PIK3R1: variants seen among roughly 807,000 people sequenced by gnomAD.
PIK3R1 encodes phosphoinositide-3-kinase regulatory subunit 1.
In PIK3R1, 29 loss-of-function variants were observed where a neutral mutation model predicts 98.0. The observed-to-expected ratio is 0.30, with a 90% confidence interval of 0.22 to 0.40. The LOEUF (loss-of-function observed/expected upper bound fraction) is 0.40. Ranked by LOEUF, PIK3R1 falls within the 10% of genes least tolerant of loss-of-function variation. The pLI, the probability that PIK3R1 is intolerant of heterozygous loss-of-function variation, is 1.00. For missense variants in PIK3R1, 596 were observed against 872.7 expected (o/e 0.68, Z 3.99); for synonymous variants, 282 against 311.8 (o/e 0.90, Z 1.01).
intron 2 of PIK3R1, among the ~76,000 whole-genome samples, chr5:68,263,038 T>G (rs1451088476): frequency 8.2e-6 from 1 of 122,158 alleles, no homozygotes; most frequent in African/African-American, 3.2e-5. Flanking sequence ...GATACATGTA[T>G]ACATATATAC....
chr5:68,256,236 T>C (rs1180417768), intron 2 of PIK3R1, among the ~76,000 whole-genome samples: 1 of 152,238 alleles, frequency 6.6e-6, no homozygotes, highest in African/African-American at 2.4e-5. Flanking sequence ...TTTTTATTTA[T>C]TTATTTTTGT....
Position 68,295,324 on chromosome 5 carries a change from T to C in PIK3R1, c.1745T>C (p.Met582Thr), listed in dbSNP as rs766887688. ...AGAAAGACGAGAGACCAATACTTGATGTAAGTATTTGAAATGGAATCCTAT... is the reference window on the plus strand; with the variant it reads ...AGAAAGACGAGAGACCAATACTTGACGTAAGTATTTGAAATGGAATCCTAT... ...QLRKTRDQYL[M>T]WLTQKGVRQK... The change falls in exon 13 of 16, where the codon ATG (methionine) becomes ACG (threonine). Residue 582 changes from methionine (M) to threonine (T), a missense_variant and splice_region_variant. Physicochemically the swap from Met to Thr is moderately conservative, Grantham distance 81. Coordinates refer to ENST00000521381, the MANE Select transcript of PIK3R1 (RefSeq NM_181523.3). 1 of 1,612,596 alleles carries C rather than the reference T, an allele frequency of 6.2e-7. No homozygotes were observed. The highest frequency in any genetic ancestry group is 8.5e-7 in the Non-Finnish European group (1 of 1,178,576).
intron 1 of PIK3R1, chr5:68,217,566 T>A (rs1743933763): frequency 1.3e-5 from 2 of 151,920 alleles, no homozygotes; most frequent in Admixed American, 1.3e-4. Context: ...GTGCAAAAGT[T>A]GATTAAACTT....
chr5:68,261,206 A>G (rs1745732380), intron 2 of PIK3R1, among the ~76,000 whole-genome samples: 1 of 152,228 alleles, frequency 6.6e-6, no homozygotes, highest in Non-Finnish European at 1.5e-5. Flanking sequence ...TAAATTTAGT[A>G]ATTTTATGTT....
At position 68,273,460 on chromosome 5, in the gene PIK3R1, C is replaced by G. The variant is rs758397455; in HGVS notation, c.405C>G (p.Leu135=). 2 of 1,613,960 alleles carry G rather than the reference C, an allele frequency of 1.2e-6. No homozygotes were observed. Among genetic ancestry groups the G allele is most frequent in the Non-Finnish European group, 1.7e-6 (2 of 1,179,908 alleles). The change falls in exon 3 of 16, where the codon CTC becomes CTG. Residue 135 remains leucine, a synonymous_variant. Transcript: ENST00000521381. Reference sequence around the variant, plus strand: ...TTGCCCCGCCTCTTCTTATCAAGCTCGTGGAAGCCATTGAAAAGAAAGGTA... The same window carrying G: ...TTGCCCCGCCTCTTCTTATCAAGCTGGTGGAAGCCATTGAAAAGAAAGGTA... ...PDIAPPLLIK[L]VEAIEKKGLE... is the part of the protein sequence containing the mutation.
chr5:68,225,992 C>G (rs1044765628), intron 1 of PIK3R1, among the ~76,000 whole-genome samples: 2 of 152,136 alleles, frequency 1.3e-5, no homozygotes, highest in African/African-American at 4.8e-5. Context: ...GTTTCTGCCT[C>G]TCTTATGACA....
At chr5:68,251,648 G>A (rs1745311138) in intron 2 of PIK3R1, among the ~76,000 whole-genome samples, 1 of 151,950 alleles carries the variant, frequency 6.6e-6, no homozygotes, top group South Asian at 2.1e-4. Context: ...GGTAGCCCCA[G>A]CTGCAAAAAA....
chr5:68,276,235 TGCTG>T (rs1437291834), intron 4 of PIK3R1, among the ~76,000 whole-genome samples: 1 of 152,248 alleles, frequency 6.6e-6, no homozygotes, highest in African/African-American at 2.4e-5. Context: ...GATAATTCTT[TGCTG>T]GAAGAGTGGG....
At chr5:68,224,305 A>G (rs706710) in intron 1 of PIK3R1, among the ~76,000 whole-genome samples, 2,524 of 152,322 alleles carry the variant, frequency 0.017, 42 homozygotes, top group Non-Finnish European at 0.021. Context: ...GGATCTTTCA[A>G]AAGGAAAGGC....
chr5:68,296,350 C>T lies in PIK3R1; in HGVS notation c.1985+9C>T. ...TATGCCTGCTCTGTAGTGTATGTATCTCCAGCAAACTTTTCTTTACAACAT... is the reference window on the plus strand; with the variant it reads ...TATGCCTGCTCTGTAGTGTATGTATTTCCAGCAAACTTTTCTTTACAACAT... On this transcript the variant is annotated intron_variant, in intron 15 of 15. Transcript: ENST00000521381. The T allele has an allele frequency of 6.3e-7, 1 of 1,591,200 alleles. No homozygotes were observed. Among genetic ancestry groups the T allele is most frequent in the Non-Finnish European group, 8.6e-7 (1 of 1,166,408 alleles).
At chr5:68,280,223 C>T (rs1746769977) in intron 5 of PIK3R1, 1 of 420,458 alleles carries the variant, frequency 2.4e-6, no homozygotes, top group East Asian at 4.0e-5. Flanking sequence ...TCTGATGCTC[C>T]TCTGAGTTAG....
chr5:68,287,145 G>A (rs1010140272), intron 7 of PIK3R1, among the ~76,000 whole-genome samples: 2 of 152,200 alleles, frequency 1.3e-5, no homozygotes, highest in Non-Finnish European at 2.9e-5. Context: ...ACTTTCCCAT[G>A]CAGAGTATGA....
chr5:68,269,509 A>G (rs1043423879), intron 2 of PIK3R1, among the ~76,000 whole-genome samples: 11 of 152,136 alleles, frequency 7.2e-5, no homozygotes, highest in African/African-American at 2.7e-4. Context: ...TGGTTTATCA[A>G]ACTTTGTAAC....
At chr5:68,246,413 A>G (rs968863675) in intron 2 of PIK3R1, among the ~76,000 whole-genome samples, 8 of 149,614 alleles carry the variant, frequency 5.3e-5, no homozygotes, top group African/African-American at 1.2e-4. Flanking sequence ...CCCGGGCCCA[A>G]GCGATTCTCC....
At position 68,280,704 on chromosome 5, in the gene PIK3R1, A is replaced by T; in HGVS notation, c.811A>T (p.Met271Leu). Residue 271 changes from methionine to leucine, a missense_variant, in exon 6 of 16, where the codon ATG (methionine) becomes TTG (leucine). This residue lies in a region of PIK3R1 where 352 missense variants were observed against 393.3 expected (regional missense o/e 0.90). Transcript: ENST00000521381. ...ARVLSEIFSPMLFRFSAASSD... is the reference protein window; with the variant it reads ...ARVLSEIFSPLLFRFSAASSD... ...AGTACTCTCTGAAATTTTCAGCCCT[A>T]TGCTTTTCAGATTCTCAGCAGCCAG... 6.2e-7 allele frequency: 1 copy of T among 1,614,086 alleles called. No homozygotes were observed. The highest frequency in any genetic ancestry group is 1.3e-5 in the African/African-American group (1 of 75,044).
chr5:68,279,495 A>ATTTT, intron 4 of PIK3R1, 107 bp from the exon 5 acceptor site: 7 of 673,640 alleles, frequency 1.0e-5, no homozygotes, highest in Middle Eastern at 3.1e-4. Flanking sequence ...TTGCTTCCTT[A>ATTTT]TTTTTTTTTT....
chr5:68,288,589 G>A (rs1747198666), intron 7 of PIK3R1: 4 of 1,535,514 alleles, frequency 2.6e-6, no homozygotes, highest in Non-Finnish European at 3.5e-6. Flanking sequence ...GCTCCTGCGC[G>A]CACTCTCGGC....
chr5:68,278,854 C>T (rs140413457), intron 4 of PIK3R1, among the ~76,000 whole-genome samples: 40 of 152,166 alleles, frequency 2.6e-4, no homozygotes, highest in African/African-American at 7.5e-4. Flanking sequence ...GCAGGAGAAT[C>T]GCTTGAACCC....
chr5:68,275,306 T>C (rs1360233614), intron 4 of PIK3R1, among the ~76,000 whole-genome samples: 1 of 152,228 alleles, frequency 6.6e-6, no homozygotes, highest in Non-Finnish European at 1.5e-5. Context: ...TCGGTGTTTC[T>C]GACAGCTTTA....
Sources: allele counts gnomAD v4.1 joint callset (sites outside exome capture counted in the v4.1 genomes callset), GRCh38; gene constraint gnomAD v4.1.1; regional missense constraint gnomAD v4.1.1; transcripts MANE v1.5; gene names NCBI Gene and HGNC (gene_info 2026-07-23, HGNC 2026-07-21).